The following PAK6 variants were observed in gnomAD, a reference collection of about 807,000 sequenced individuals.
PAK6 encodes the protein p21 (RAC1) activated kinase 6.
A neutral mutation model predicts 60.8 loss-of-function variants in PAK6; 33 were observed. The observed-to-expected ratio is 0.54, with a 90% confidence interval of 0.41 to 0.73. The LOEUF (loss-of-function observed/expected upper bound fraction) is 0.73. PAK6 is among the 30% of genes least tolerant of loss of function. The probability of loss-of-function intolerance (pLI) is 0.00; values close to 1 mark genes in which losing one functional copy is unlikely to be tolerated. For missense variants in PAK6, 845 were observed against 904.1 expected (o/e 0.93, Z 0.84); for synonymous variants, 404 against 378.5 (o/e 1.07, Z -0.78).
intron 3 of PAK6, chr15:40,259,499 T>G (rs947733216): frequency 6.6e-6 from 1 of 152,136 alleles, no homozygotes; most frequent in African/African-American, 2.4e-5. Flanking sequence ...AAATATTTTG[T>G]TTTTGGCCGG....
intron 3 of PAK6, among the ~76,000 whole-genome samples, chr15:40,260,976 C>A (rs1282117605): frequency 1.3e-5 from 2 of 151,756 alleles, no homozygotes; most frequent in Non-Finnish European, 2.9e-5. Flanking sequence ...GCAAGCTCCG[C>A]CTCCCAGGTT....
Position 40,276,485 on chromosome 15 carries a change from C to G in PAK6, c.*391C>G, listed in dbSNP as rs2089366991. The G allele has an allele frequency of 2.3e-5, 4 of 175,264 alleles. No individual in the cohort carries two copies. In the South Asian group the frequency reaches 6.8e-4, roughly 30 times the overall value. The allele number at this position is 175,264 out of a possible 1,614,324, so 10.9% of individuals were successfully genotyped here. On this transcript the variant is annotated 3_prime_UTR_variant, in exon 11 of 11. Transcript: ENST00000560346. Reference sequence around the variant, plus strand: ...GGCAGACTGCTGGTCTCCACAGATACCTGCTGTTCTCAGCTCCAGCTTCAA... The same window carrying G: ...GGCAGACTGCTGGTCTCCACAGATAGCTGCTGTTCTCAGCTCCAGCTTCAA...
intron 3 of PAK6, among the ~76,000 whole-genome samples, chr15:40,261,413 T>C (rs2038982763): frequency 6.6e-6 from 1 of 151,970 alleles, no homozygotes; most frequent in African/African-American, 2.4e-5. Flanking sequence ...GGCGTGCGCC[T>C]GTAGTCCCAG....
At chr15:40,266,777 G>A in intron 5 of PAK6, 1 of 377,974 alleles carries the variant, frequency 2.6e-6, no homozygotes, top group Non-Finnish European at 4.7e-6. Flanking sequence ...GATTTGCCTA[G>A]TCCAGGGGCA....
At chr15:40,249,429 A>C (rs1260315283) in intron 2 of PAK6, among the ~76,000 whole-genome samples, 1 of 152,216 alleles carries the variant, frequency 6.6e-6, no homozygotes, top group Non-Finnish European at 1.5e-5. Flanking sequence ...ATTGTACAGG[A>C]CTTCCATCCC....
At chr15:40,244,928 G>A (rs895571621) in intron 2 of PAK6, 1 of 152,176 alleles carries the variant, frequency 6.6e-6, no homozygotes, top group African/African-American at 2.4e-5. Context: ...ACCTCATCAC[G>A]ACACATCAGG....
intron 2 of PAK6, chr15:40,252,278 C>T (rs1295408465): frequency 8.3e-7 from 1 of 1,211,736 alleles, no homozygotes. Context: ...TTACACACAG[C>T]CGGCGCTCAG....
intron 2 of PAK6, chr15:40,252,373 G>A: frequency 3.8e-6 from 5 of 1,316,156 alleles, no homozygotes; most frequent in South Asian, 1.2e-5. Context: ...CCAGGCCAGG[G>A]CCCGGAGGCG....
chr15:40,261,405 C>T (rs887247647), intron 3 of PAK6, among the ~76,000 whole-genome samples: 2 of 151,832 alleles, frequency 1.3e-5, no homozygotes, highest in African/African-American at 4.8e-5. Flanking sequence ...GGCGTGATGG[C>T]GTGCGCCTGT....
At chr15:40,247,538 A>T (rs538318988) in intron 2 of PAK6, among the ~76,000 whole-genome samples, 3 of 152,008 alleles carry the variant, frequency 2.0e-5, no homozygotes, top group Non-Finnish European at 4.4e-5. Flanking sequence ...TTTAGCCCCC[A>T]GTGTCAGCTT....
intron 2 of PAK6, chr15:40,251,004 C>CCCA (rs2038651526): frequency 6.6e-6 from 1 of 152,558 alleles, no homozygotes; most frequent in Non-Finnish European, 1.5e-5. Context: ...TGGTCCCCCT[C>CCCA]CCACTGCCCC....
intron 2 of PAK6, chr15:40,252,461 C>T (rs1356875612): frequency 7.3e-7 from 1 of 1,361,582 alleles, no homozygotes; most frequent in Non-Finnish European, 9.8e-7. Flanking sequence ...CAGAGGGGCT[C>T]CTGGCCAAGG....
chr15:40,247,685 T>C (rs1439309830), intron 2 of PAK6, among the ~76,000 whole-genome samples: 1 of 152,166 alleles, frequency 6.6e-6, no homozygotes, highest in Non-Finnish European at 1.5e-5. Context: ...AGGGCACATC[T>C]GTACAGCAGC....
rs909582483 is a variant in PAK6, at chr15:40,263,134, T to C, written c.-5-1647T>C. Among the ~76,000 whole-genome samples, 4 of 152,150 alleles carry C rather than the reference T, an allele frequency of 2.6e-5. No individual in the cohort carries two copies. In the South Asian group the frequency reaches 8.3e-4, roughly 32 times the overall value. On this transcript the variant is annotated intron_variant, in intron 3 of 10. Coordinates refer to ENST00000560346, the Ensembl canonical transcript of PAK6. ...GGTCCCTGCCTTTCTGCCAGCTGCCTCCCAGATCTGCGACCTCCTTCAGAA... is the reference window on the plus strand; with the variant it reads ...GGTCCCTGCCTTTCTGCCAGCTGCCCCCCAGATCTGCGACCTCCTTCAGAA...
At position 40,247,841 on chromosome 15, in the gene PAK6, C is replaced by T. The variant is rs148114588; in HGVS notation, c.-117-5337C>T. ...GCAAGTGGTAGCCTTGTTTTCTGGA[C>T]GAATCCTGGGATTCTACTCCATGGC... On this transcript the variant is annotated intron_variant, in intron 2 of 10. Coordinates refer to ENST00000560346, the Ensembl canonical transcript of PAK6. Among the ~76,000 whole-genome samples, 589 of 152,248 alleles carry T rather than the reference C, an allele frequency of 3.9e-3. 2 individuals are homozygous for T. The highest frequency in any genetic ancestry group is 5.8e-3 in the Admixed American group (89 of 15,298).
chr15:40,248,651 G>C (rs929116151), intron 2 of PAK6, among the ~76,000 whole-genome samples: 1 of 152,206 alleles, frequency 6.6e-6, no homozygotes, highest in Admixed American at 6.5e-5. Context: ...GGAACCTGAG[G>C]GCCCCTCTGC....
chr15:40,264,644 G>T, intron 3 of PAK6, 137 bp from the exon 4 acceptor site: 1 of 705,298 alleles, frequency 1.4e-6, no homozygotes, highest in South Asian at 1.7e-5. Context: ...AAGCAGAGAT[G>T]GAGGTGGAGG....
chr15:40,275,280 G>GGTTTTTTTTTTTTTTTTTT (rs1555389200), intron 10 of PAK6, among the ~76,000 whole-genome samples: 1 of 56,484 alleles, frequency 1.8e-5, no homozygotes, highest in Non-Finnish European at 3.1e-5. Context: ...GTTGTTGTTG[G>GGTTTTTTTTTTTTTTTTTT]TTTTTTTTTT....
intron 3 of PAK6, among the ~76,000 whole-genome samples, chr15:40,262,406 A>G (rs886964987): frequency 6.6e-6 from 1 of 152,184 alleles, no homozygotes; most frequent in African/African-American, 2.4e-5. Context: ...CAGGAGGCTG[A>G]GGCAAGAGAA....
Sources: gnomAD v4.1 joint callset for allele counts (sites outside exome capture counted in the v4.1 genomes callset) on GRCh38, gnomAD v4.1.1 for gene constraint, MANE v1.5 for transcripts, NCBI Gene and HGNC (gene_info 2026-07-23, HGNC 2026-07-21) for gene names.